The following NRIP3 variants were observed in gnomAD, a reference collection of about 807,000 sequenced individuals.
NRIP3 encodes nuclear receptor interacting protein 3, also known as nuclear receptor-interacting protein 3.
A neutral mutation model predicts 29.0 loss-of-function variants in NRIP3; 31 were observed. That is an observed-to-expected ratio of 1.07 (90% CI 0.80 to 1.44). The LOEUF (loss-of-function observed/expected upper bound fraction) is 1.44, where lower values mean the gene tolerates loss of function less well. Among genes scored for constraint, NRIP3 ranks in the 40% most tolerant of loss-of-function variants. NRIP3 has a pLI of 0.00. For synonymous variants in NRIP3, 131 were observed against 118.3 expected (o/e 1.11, Z -0.70); for missense variants, 314 against 297.9 (o/e 1.05, Z -0.40).
intron 4 of NRIP3, 93 bp downstream of exon 4, chr11:8,985,618 A>G: frequency 5.4e-6 from 8 of 1,478,904 alleles, no homozygotes; most frequent in East Asian, 2.3e-5. Context: ...GAAAAAGTCA[A>G]TATTTACAGG....
intron 1 of NRIP3, among the ~76,000 whole-genome samples, chr11:8,989,506 C>T (rs1854565290): frequency 6.6e-6 from 1 of 152,216 alleles, no homozygotes. Context: ...TGCCACCTTT[C>T]AGATTCCTAA....
chr11:8,997,280 CAGG>C (rs141131762), intron 1 of NRIP3, among the ~76,000 whole-genome samples: 45,767 of 142,668 alleles, frequency 0.32, 7,232 homozygotes, highest in Middle Eastern at 0.46. Context: ...GAGGCTGAGG[CAGG>C]AGAATCGCTT....
rs1337995851 is a variant in NRIP3, at chr11:8,985,990, CAT to C, written c.423-142_423-141del. On this transcript the variant is annotated intron_variant, in intron 3 of 6. Transcript: ENST00000309166. ...CTACCGAAAAGTGCTAGCCATCCTA[CAT>C]ATGTTGTTCCAGCACTTTGTCCTAA... is the stretch of plus-strand genomic sequence containing the variant. The C allele has an allele frequency of 4.8e-5, 46 of 957,162 alleles. 1 individual carries two copies. In the Middle Eastern group the frequency reaches 1.9e-3, roughly 39 times the overall value. The allele number at this position is 957,162 out of a possible 1,614,324, so 59.3% of individuals were successfully genotyped here. A position where few individuals can be genotyped will look rare whatever the true frequency, so the allele number is the denominator to read the frequency against.
chr11:8,987,712 A>G (rs1854540145), intron 2 of NRIP3, 82 bp from the exon 3 acceptor site: 8 of 1,043,542 alleles, frequency 7.7e-6, no homozygotes, highest in East Asian at 2.4e-5. Context: ...AGCAGATGTC[A>G]TATGAAAGGC....
chr11:8,997,150 G>A (rs1854721040), intron 1 of NRIP3, among the ~76,000 whole-genome samples: 1 of 152,120 alleles, frequency 6.6e-6, no homozygotes, highest in Non-Finnish European at 1.5e-5. Context: ...GCCGAGGCAG[G>A]TGGAGCACGA....
chr11:9,001,066 C>T (rs1441640750), intron 1 of NRIP3, among the ~76,000 whole-genome samples: 1 of 151,646 alleles, frequency 6.6e-6, no homozygotes, highest in Non-Finnish European at 1.5e-5. Flanking sequence ...GAACCCGTCT[C>T]TTAAAAAAAA....
At position 9,003,420 on chromosome 11, in the gene NRIP3, G is replaced by C. The variant is rs892624793; in HGVS notation, c.174+342C>G. Among the ~76,000 whole-genome samples the C allele has an allele frequency of 2.6e-5, 4 of 152,154 alleles. No homozygotes were observed. In the East Asian group the frequency reaches 7.7e-4, roughly 29 times the overall value. ...TCATAGGAACAGCCACACAGCATAGGAGGCACAAGCCCCGTGAACAAAATT... is the reference window on the plus strand; with the variant it reads ...TCATAGGAACAGCCACACAGCATAGCAGGCACAAGCCCCGTGAACAAAATT... On this transcript the variant is annotated intron_variant, in intron 1 of 6. Coordinates refer to ENST00000309166, the MANE Select transcript of NRIP3 (RefSeq NM_020645.3).
rs996554917 is a variant in NRIP3 at position 9,003,966 on chromosome 11, AG to A, written c.-32del. 2.7e-6 allele frequency: 4 copies of A among 1,468,984 alleles called. No individual in the cohort carries two copies. The highest frequency in any genetic ancestry group is 2.5e-5 in the Admixed American group (1 of 40,386). The allele number at this position is 1,468,984 out of a possible 1,614,324, so 91.0% of individuals were successfully genotyped here. A position where few individuals can be genotyped will look rare whatever the true frequency, so the allele number is the denominator to read the frequency against. On this transcript the variant is annotated 5_prime_UTR_variant, in exon 1 of 7. Transcript: ENST00000309166. ...AGGCGCCGGCGGCCCGGTAGCCCAC[AG>A]CCCCCCGGCAGCCTCAGCCTCGAGC...
chr11:8,986,074 A>G (rs919034464), intron 3 of NRIP3, among the ~76,000 whole-genome samples: 3 of 152,212 alleles, frequency 2.0e-5, no homozygotes, highest in African/African-American at 7.2e-5. Flanking sequence ...CAAAAACCTT[A>G]CATCACTTAT....
At chr11:9,002,254 T>TTA (rs1202196199) in intron 1 of NRIP3, among the ~76,000 whole-genome samples, 1 of 152,158 alleles carries the variant, frequency 6.6e-6, no homozygotes, top group Non-Finnish European at 1.5e-5. Context: ...TAGGATAGGA[T>TTA]TATTTGGCCT....
At chr11:8,991,834 A>G (rs890068335) in intron 1 of NRIP3, among the ~76,000 whole-genome samples, 3 of 152,200 alleles carry the variant, frequency 2.0e-5, no homozygotes, top group African/African-American at 7.2e-5. Context: ...TACAGAATAG[A>G]ATGTGAGTGG....
intron 4 of NRIP3, among the ~76,000 whole-genome samples, chr11:8,984,741 A>C (rs1854481996): frequency 6.6e-6 from 1 of 152,170 alleles, no homozygotes; most frequent in African/African-American, 2.4e-5. Flanking sequence ...GAAATTATCA[A>C]GGGATTTATG....
chr11:9,004,266 T>G, upstream of NRIP3: 1 of 194,480 alleles, frequency 5.1e-6, no homozygotes, highest in Non-Finnish European at 1.0e-5. Context: ...GGGCCCCGCA[T>G]CCCCTGGACT....
rs1296718745 is a variant in NRIP3 at position 8,981,509 on chromosome 11, A to C, written c.*2036T>G. ...AAGAATAAACCAGCAGGAACCTTCA[A>C]CATGCCTCACTGTGGCTAAGAGTCA... On this transcript the variant is annotated 3_prime_UTR_variant, in exon 7 of 7. Transcript: ENST00000309166. The C allele has an allele frequency of 6.6e-6, 1 of 152,652 alleles. No individual in the cohort carries two copies. Among genetic ancestry groups the C allele is most frequent in the African/African-American group, 2.4e-5 (1 of 41,420 alleles). 9.5% of individuals were successfully genotyped at this position (152,652 alleles called of 1,614,324 possible).
At chr11:8,990,143 C>T (rs1156402871) in intron 1 of NRIP3, among the ~76,000 whole-genome samples, 1 of 152,164 alleles carries the variant, frequency 6.6e-6, no homozygotes, top group Admixed American at 6.5e-5. Flanking sequence ...ACTAAAAGTT[C>T]CTAGATATTG....
At chr11:8,998,722 T>G (rs748145910) in intron 1 of NRIP3, among the ~76,000 whole-genome samples, 1 of 152,074 alleles carries the variant, frequency 6.6e-6, no homozygotes, top group South Asian at 2.1e-4. Context: ...GAATTGTCTA[T>G]TCAGCATCTA....
At position 8,985,696 on chromosome 11, in the gene NRIP3, C is replaced by T; in HGVS notation, c.562+15G>A. On this transcript the variant is annotated intron_variant, in intron 4 of 6. Coordinates refer to ENST00000309166, the MANE Select transcript of NRIP3 (RefSeq NM_020645.3). The stretch of plus-strand genomic sequence containing the variant: ...TCCGTTAGGGTCCATAGGTCCAGCC[C>T]TCAATTCTGCTTACCAACCACAGCT... 1.2e-6 allele frequency: 2 copies of T among 1,612,858 alleles called. No individual in the cohort carries two copies. Among genetic ancestry groups the T allele is most frequent in the Non-Finnish European group, 1.7e-6 (2 of 1,179,702 alleles).
In NRIP3 at chr11:8,982,852, A is replaced by C; in HGVS notation, c.*693T>G. On this transcript the variant is annotated 3_prime_UTR_variant, in exon 7 of 7. Transcript: ENST00000309166. ...GCCTTTTTTTTTTTTTTTTTAACAC[A>C]TTCTCACCTCTTTGCCCTCCTGTTA... The C allele has an allele frequency of 5.7e-6, 2 of 353,388 alleles. No individual in the cohort carries two copies. The highest frequency in any genetic ancestry group is 1.1e-5 in the Non-Finnish European group (2 of 182,484). The allele number at this position is 353,388 out of a possible 1,614,324, so 21.9% of individuals were successfully genotyped here. A position where few individuals can be genotyped will look rare whatever the true frequency, so the allele number is the denominator to read the frequency against.
intron 1 of NRIP3, among the ~76,000 whole-genome samples, chr11:8,994,593 C>A (rs943367371): frequency 6.6e-6 from 1 of 152,216 alleles, no homozygotes; most frequent in African/African-American, 2.4e-5. Flanking sequence ...CCTTGACAGA[C>A]AAGTTTGTGG....
Sources: gnomAD v4.1 joint callset for allele counts (sites outside exome capture counted in the v4.1 genomes callset) on GRCh38, gnomAD v4.1.1 for gene constraint, MANE v1.5 for transcripts, NCBI Gene and HGNC (gene_info 2026-07-23, HGNC 2026-07-21) for gene names.